The following UGT1A9 variants were observed in gnomAD, a reference collection of about 807,000 sequenced individuals.
UGT1A9 encodes the protein UDP-glucuronosyltransferase 1A9.
UGT1A9 carries 35 observed loss-of-function variants against 45.0 expected under a neutral mutation model. That is an observed-to-expected ratio of 0.78 (90% CI 0.59 to 1.03). The LOEUF is 1.03. Among genes scored for constraint, UGT1A9 ranks in the 50% least tolerant of loss-of-function variants. UGT1A9 has a pLI of 0.00. For synonymous variants in UGT1A9, 278 were observed against 250.6 expected (o/e 1.11, Z -1.03); for missense variants, 687 against 666.6 (o/e 1.03, Z -0.34).
intron 1 of UGT1A9, among the ~76,000 whole-genome samples, chr2:233,732,755 G>GTTTTT (rs956485327): frequency 8.3e-6 from 1 of 120,224 alleles, no homozygotes; most frequent in African/African-American, 3.0e-5. Flanking sequence ...CACCAGCTTT[G>GTTTTT]TTTTTTTTTT....
intron 1 of UGT1A9, among the ~76,000 whole-genome samples, chr2:233,673,240 A>G (rs2074254877): frequency 6.6e-6 from 1 of 152,138 alleles, no homozygotes; most frequent in African/African-American, 2.4e-5. Flanking sequence ...GGCTGGACAT[A>G]TTCTTCTTTT....
At chr2:233,713,239 C>T (rs2076295838) in intron 1 of UGT1A9, 2 of 1,614,144 alleles carry the variant, frequency 1.2e-6, no homozygotes, top group Admixed American at 1.7e-5. Context: ...TATGCCATTT[C>T]ATGGACCCAG....
chr2:233,715,167 C>G (rs767247099), intron 1 of UGT1A9, among the ~76,000 whole-genome samples: 1 of 152,042 alleles, frequency 6.6e-6, no homozygotes, highest in Non-Finnish European at 1.5e-5. Flanking sequence ...ATTACAGGCG[C>G]GAGCCACCAC....
intron 1 of UGT1A9, chr2:233,742,938 A>G: frequency 4.7e-6 from 1 of 214,112 alleles, no homozygotes; most frequent in Admixed American, 5.3e-5. Context: ...ATTCTGTCCT[A>G]CCACTAGCAA....
intron 1 of UGT1A9, chr2:233,761,124 C>T: frequency 1.9e-6 from 3 of 1,614,202 alleles, no homozygotes; most frequent in Non-Finnish European, 2.5e-6. Context: ...GTGGAATCAA[C>T]TGCCTTCACC....
intron 1 of UGT1A9, among the ~76,000 whole-genome samples, chr2:233,725,079 CG>C (rs1365887485): frequency 6.9e-6 from 1 of 144,208 alleles, no homozygotes; most frequent in Non-Finnish European, 1.5e-5. Context: ...CGCAGGCACT[CG>C]GCAGGCTGAG....
At chr2:233,719,813 A>G in intron 1 of UGT1A9, 1 of 1,586,286 alleles carries the variant, frequency 6.3e-7, no homozygotes, top group Non-Finnish European at 8.6e-7. Context: ...TCTTTATAAC[A>G]GATAAACTGT....
chr2:233,718,727 A>T, intron 1 of UGT1A9: 1 of 1,610,864 alleles, frequency 6.2e-7, no homozygotes, highest in Non-Finnish European at 8.5e-7. Flanking sequence ...CTGATTTGCT[A>T]GGTGGCTCAA....
chr2:233,707,274 T>C (rs2075953274), intron 1 of UGT1A9, among the ~76,000 whole-genome samples: 3 of 152,166 alleles, frequency 2.0e-5, no homozygotes, highest in Admixed American at 2.0e-4. Flanking sequence ...TTATTTTAAG[T>C]TCCAGGGCAC....
intron 1 of UGT1A9, among the ~76,000 whole-genome samples, chr2:233,676,524 C>A (rs1427751934): frequency 6.6e-6 from 1 of 152,146 alleles, no homozygotes; most frequent in Non-Finnish European, 1.5e-5. Context: ...CTTCAGATTT[C>A]ATTAATTTTT....
intron 1 of UGT1A9, among the ~76,000 whole-genome samples, chr2:233,763,903 G>C (rs779915264): frequency 2.2e-4 from 34 of 152,300 alleles, no homozygotes; most frequent in Middle Eastern, 3.4e-3. Flanking sequence ...CAGAAGATTA[G>C]TGAGGACCAA....
At chr2:233,716,884 C>G (rs1681391448) in intron 1 of UGT1A9, among the ~76,000 whole-genome samples, 2 of 152,140 alleles carry the variant, frequency 1.3e-5, no homozygotes, top group African/African-American at 4.8e-5. Flanking sequence ...CTGTGCAGCC[C>G]AGACCCCTCC....
chr2:233,722,716 G>A (rs952694849), intron 1 of UGT1A9, among the ~76,000 whole-genome samples: 1 of 151,988 alleles, frequency 6.6e-6, no homozygotes, highest in Non-Finnish European at 1.5e-5. Flanking sequence ...TTAAATATCA[G>A]TTTTTAAATT....
At chr2:233,743,972 A>G in intron 1 of UGT1A9, 2 of 1,321,206 alleles carry the variant, frequency 1.5e-6, no homozygotes, top group African/African-American at 1.5e-5. Flanking sequence ...CAAGGCTGCC[A>G]GCACCCAGGC....
intron 1 of UGT1A9, chr2:233,691,142 C>T (rs900476148): frequency 4.1e-6 from 4 of 985,690 alleles, no homozygotes; most frequent in African/African-American, 1.7e-5. Context: ...TCTAGATGAA[C>T]TGTTCTTTGA....
intron 1 of UGT1A9, among the ~76,000 whole-genome samples, chr2:233,730,736 G>A (rs896842159): frequency 4.6e-5 from 7 of 152,232 alleles, no homozygotes; most frequent in Non-Finnish European, 2.9e-5. Flanking sequence ...TGGCGGAAGG[G>A]GCTAGGGAGG....
At chr2:233,747,833 C>T (rs1236031323) in intron 1 of UGT1A9, 1 of 1,613,530 alleles carries the variant, frequency 6.2e-7, no homozygotes, top group Non-Finnish European at 8.5e-7. Context: ...ACATGACATT[C>T]CTGCAAAGGG....
intron 1 of UGT1A9, among the ~76,000 whole-genome samples, chr2:233,703,657 T>C (rs757009493): frequency 5.9e-5 from 9 of 152,190 alleles, no homozygotes; most frequent in Non-Finnish European, 1.0e-4. Flanking sequence ...GCATTTCTTT[T>C]GGTTGCTGTT....
chr2:233,719,033 A>G, intron 1 of UGT1A9: 2 of 1,614,270 alleles, frequency 1.2e-6, no homozygotes, highest in Admixed American at 1.7e-5. Context: ...ACATCAAAGA[A>G]GAGAAATTTT....
Sources: allele counts gnomAD v4.1 joint callset (sites outside exome capture counted in the v4.1 genomes callset), GRCh38; gene constraint gnomAD v4.1.1; transcripts MANE v1.5; gene names NCBI Gene and HGNC (gene_info 2026-07-23, HGNC 2026-07-21).